GALC: variants seen among roughly 807,000 people sequenced by gnomAD.
GALC encodes galactosylceramidase.
GALC carries 77 observed loss-of-function variants against 91.8 expected under a neutral mutation model. The observed-to-expected ratio is 0.84, with a 90% CI of 0.70 to 1.01. The LOEUF (loss-of-function observed/expected upper bound fraction) is 1.01. Ranked by LOEUF, GALC falls within the 50% of genes least tolerant of loss-of-function variation. The pLI is 0.00. For synonymous variants in GALC, 357 were observed against 306.7 expected (o/e 1.16, Z -1.71); for missense variants, 882 against 855.9 (o/e 1.03, Z -0.38).
intron 10 of GALC, among the ~76,000 whole-genome samples, chr14:87,956,564 T>TATATATATATACACACACACC (rs1555380392): frequency 5.2e-5 from 7 of 134,230 alleles, no homozygotes; most frequent in African/African-American, 2.2e-4. Flanking sequence ...ACGCACCATA[T>TATATATATATACACACACACC]ATATATATAT....
intron 16 of GALC, among the ~76,000 whole-genome samples, chr14:87,938,945 G>A (rs1308339438): frequency 6.6e-6 from 1 of 151,614 alleles, no homozygotes; most frequent in Non-Finnish European, 1.5e-5. Context: ...GCCAGAAAAA[G>A]ACAACATGAT....
At chr14:87,954,122 T>C in intron 10 of GALC, 2 of 1,609,020 alleles carry the variant, frequency 1.2e-6, no homozygotes, top group East Asian at 2.2e-5. Flanking sequence ...CTGAAGAATA[T>C]TCCAGTGTAG....
Position 87,954,206 on chromosome 14 carries a change from G to A in GALC, c.1162-3458C>T, listed in dbSNP as rs540006115. 8.7e-5 allele frequency: 136 copies of A among 1,567,912 alleles called. 1 individual carries two copies. The East Asian group carries it at 2.1e-3, about 24-fold the overall frequency. On this transcript the variant is annotated intron_variant, in intron 10 of 16. Coordinates refer to ENST00000261304, the MANE Select transcript of GALC (RefSeq NM_000153.4). ...ATTCCTACCTCAGAGATCTTCCTCC[G>A]AGGCAGCCTCAGAGGGTGAACAGTA...
Position 87,984,461 on chromosome 14 carries a change from G to A in GALC, c.515C>T (p.Ala172Val), listed in dbSNP as rs763635404. Residue 172 changes from alanine (A) to valine (V), a missense_variant, in exon 5 of 17, where the codon GCC (alanine) becomes GTC (valine). Coordinates refer to ENST00000261304, the MANE Select transcript of GALC (RefSeq NM_000153.4). ...CACAATCCAGGTCACGACATAATAGGCAGTCAGCTGAAGATTGACATAAGG... is the reference window on the plus strand; with the variant it reads ...CACAATCCAGGTCACGACATAATAGACAGTCAGCTGAAGATTGACATAAGG... ...DWPYVNLQLT[A>V]YYVVTWIVGA... The A allele has an allele frequency of 4.3e-6, 7 of 1,613,848 alleles. No individual in the cohort carries two copies. Among genetic ancestry groups the A allele is most frequent in the East Asian group, 2.2e-5 (1 of 44,890 alleles).
At chr14:87,993,606 A>G (rs759766151), upstream of GALC, 2 of 776,990 alleles carry the variant, frequency 2.6e-6, no homozygotes, top group Non-Finnish European at 4.2e-6. Context: ...GTTTTCCCTT[A>G]TGTGAGATGA....
chr14:87,972,146 A>G (rs1886317693), intron 7 of GALC, among the ~76,000 whole-genome samples: 1 of 148,968 alleles, frequency 6.7e-6, no homozygotes, highest in African/African-American at 2.5e-5. Flanking sequence ...ACCATTAAAA[A>G]ATAATACACA....
intron 10 of GALC, 86 bp from the exon 11 acceptor site, chr14:87,950,834 T>C: frequency 1.3e-6 from 1 of 774,142 alleles, no homozygotes; most frequent in Admixed American, 2.1e-5. Context: ...TGCCCAAGAT[T>C]AACAGAAATT....
At chr14:87,992,790 A>G in intron 1 of GALC, 180 bp downstream of exon 1, 1 of 1,410,938 alleles carries the variant, frequency 7.1e-7, no homozygotes, top group Non-Finnish European at 9.2e-7. Context: ...TAAACGAGAA[A>G]GCACCCGCCC....
At chr14:87,982,676 TAC>T (rs1261246974) in intron 5 of GALC, among the ~76,000 whole-genome samples, 1 of 152,152 alleles carries the variant, frequency 6.6e-6, no homozygotes, top group Non-Finnish European at 1.5e-5. Flanking sequence ...TTTTTAAGCA[TAC>T]ACAGAGAATC....
At chr14:87,953,898 C>G in intron 10 of GALC, 1 of 1,610,114 alleles carries the variant, frequency 6.2e-7, no homozygotes, top group Admixed American at 1.7e-5. Flanking sequence ...CTCTAAAGTG[C>G]CTTTAGCAAC....
At chr14:87,949,993 C>A in intron 11 of GALC, 62 bp from the exon 12 acceptor site, 1 of 828,038 alleles carries the variant, frequency 1.2e-6, no homozygotes, top group South Asian at 1.4e-5. Flanking sequence ...TGAGGATTTC[C>A]AAAATCAGTA....
In GALC at chr14:87,950,750, T is replaced by C. The variant is rs1168273921; in HGVS notation, c.1162-2A>G. On this transcript the variant is annotated splice_acceptor_variant, in intron 10 of 16. Coordinates refer to ENST00000261304, the MANE Select transcript of GALC (RefSeq NM_000153.4). LOFTEE classifies it high-confidence loss of function. Reference sequence around the variant, plus strand: ...TATGCACTTAGAATGTTTATGACTCTGAAAAAAAAAAATCACATACATTAT... The same window carrying C: ...TATGCACTTAGAATGTTTATGACTCCGAAAAAAAAAAATCACATACATTAT... 1 of 1,444,516 alleles carries C rather than the reference T, an allele frequency of 6.9e-7. No individual in the cohort carries two copies. The highest frequency in any genetic ancestry group is 9.2e-7 in the Non-Finnish European group (1 of 1,090,020). 89.5% of individuals were successfully genotyped at this position (1,444,516 alleles called of 1,614,324 possible).
intron 5 of GALC, among the ~76,000 whole-genome samples, chr14:87,982,474 C>A (rs1214548182): frequency 6.6e-6 from 1 of 151,898 alleles, no homozygotes; most frequent in Non-Finnish European, 1.5e-5. Context: ...GGGTATTTTT[C>A]AAAAAGTAAT....
chr14:87,989,332 TTATATTCTCA>T (rs1887101142), intron 1 of GALC, among the ~76,000 whole-genome samples: 1 of 152,190 alleles, frequency 6.6e-6, no homozygotes. Context: ...ACTTTCTATT[TTATATTCTCA>T]TATATGCTAC....
At chr14:87,980,532 A>C (rs12883250) in intron 6 of GALC, 600,975 of 962,756 alleles carry the variant, frequency 0.62, 189,955 homozygotes, top group East Asian at 0.92. Flanking sequence ...TTTGCACATG[A>C]TATGCCCCTG....
chr14:87,993,226 C>A, upstream of GALC: 7 of 1,547,356 alleles, frequency 4.5e-6, no homozygotes, highest in Non-Finnish European at 6.1e-6. Flanking sequence ...ACGATAGATA[C>A]GGGCAGGAGG....
At chr14:87,940,451 A>G (rs2139938960) in intron 15 of GALC, among the ~76,000 whole-genome samples, 1 of 152,040 alleles carries the variant, frequency 6.6e-6, no homozygotes, top group Non-Finnish European at 1.5e-5. Flanking sequence ...TGAGAAACCC[A>G]GGACAAAATT....
chr14:87,984,299 A>G (rs1449400351), intron 5 of GALC, 95 bp downstream of exon 5: 1 of 1,248,460 alleles, frequency 8.0e-7, no homozygotes, highest in Admixed American at 2.1e-5. Flanking sequence ...CTCATGGCAT[A>G]AAATGGTTAG....
intron 6 of GALC, among the ~76,000 whole-genome samples, chr14:87,980,812 C>A (rs1886708195): frequency 6.6e-6 from 1 of 152,200 alleles, no homozygotes; most frequent in African/African-American, 2.4e-5. Flanking sequence ...TATATTATAA[C>A]CATACACACA....
Sources: gnomAD v4.1 joint callset for allele counts (sites outside exome capture counted in the v4.1 genomes callset) on GRCh38, gnomAD v4.1.1 for gene constraint, MANE v1.5 for transcripts, NCBI Gene and HGNC (gene_info 2026-07-23, HGNC 2026-07-21) for gene names.